NR3C2: variants seen among roughly 807,000 people sequenced by gnomAD.
NR3C2 encodes the protein nuclear receptor subfamily 3 group C member 2.
NR3C2 carries 15 observed loss-of-function variants against 86.4 expected under a neutral mutation model. That is an observed-to-expected ratio of 0.17 (90% CI 0.12 to 0.27). NR3C2 has a LOEUF of 0.27. Ranked by LOEUF, NR3C2 falls within the 10% of genes least tolerant of loss-of-function variation. The pLI is 1.00. For missense variants in NR3C2, 960 were observed against 1,195.6 expected (o/e 0.80, Z 2.91); for synonymous variants, 458 against 450.5 (o/e 1.02, Z -0.21).
intron 4 of NR3C2, among the ~76,000 whole-genome samples, chr4:148,157,627 TAAAAAA>T (rs1408695459): frequency 1.3e-5 from 2 of 150,786 alleles, no homozygotes; most frequent in Admixed American, 6.6e-5. Flanking sequence ...AGAGAACAAT[TAAAAAA>T]AAAGTTAAGA....
At chr4:148,212,980 T>A (rs935046174) in intron 3 of NR3C2, among the ~76,000 whole-genome samples, 2 of 152,146 alleles carry the variant, frequency 1.3e-5, no homozygotes, top group African/African-American at 2.4e-5. Flanking sequence ...TAAAAACTGT[T>A]AAGAGATCAC....
intron 3 of NR3C2, among the ~76,000 whole-genome samples, chr4:148,237,663 CA>C (rs1738812715): frequency 2.5e-5 from 2 of 79,300 alleles, no homozygotes; most frequent in Non-Finnish European, 6.1e-5. Flanking sequence ...TGCCCAAAAA[CA>C]AAATGGGTTT....
At chr4:148,381,284 C>T (rs1301342990) in intron 2 of NR3C2, among the ~76,000 whole-genome samples, 2 of 151,574 alleles carry the variant, frequency 1.3e-5, no homozygotes, top group Non-Finnish European at 2.9e-5. Context: ...CTGGAAAAAG[C>T]AGTTCAATAT....
chr4:148,419,595 T>C (rs897335286), intron 2 of NR3C2, among the ~76,000 whole-genome samples: 1 of 152,226 alleles, frequency 6.6e-6, no homozygotes, highest in South Asian at 2.1e-4. Flanking sequence ...GGGACCAATT[T>C]AATGAGCTTT....
chr4:148,213,537 A>G (rs1417550675), intron 3 of NR3C2, among the ~76,000 whole-genome samples: 1 of 152,220 alleles, frequency 6.6e-6, no homozygotes, highest in African/African-American at 2.4e-5. Flanking sequence ...ATATGAAATT[A>G]AAGCTGAGTA....
chr4:148,176,938 GGAA>G (rs1332196536), intron 4 of NR3C2, among the ~76,000 whole-genome samples: 1 of 152,138 alleles, frequency 6.6e-6, no homozygotes, highest in Admixed American at 6.5e-5. Context: ...GTACGCTGAA[GGAA>G]GAAGAACAAT....
intron 2 of NR3C2, among the ~76,000 whole-genome samples, chr4:148,392,409 T>C (rs1747633979): frequency 6.6e-6 from 1 of 152,252 alleles, no homozygotes; most frequent in South Asian, 2.1e-4. Context: ...AAATATTTGC[T>C]GTAAGCAAGA....
intron 3 of NR3C2, among the ~76,000 whole-genome samples, chr4:148,211,385 A>AT (rs1274758942): frequency 6.6e-6 from 1 of 152,190 alleles, no homozygotes; most frequent in Non-Finnish European, 1.5e-5. Context: ...AAGCTTTAGA[A>AT]TTTTTCATTA....
Position 148,181,562 on chromosome 4 carries a change from G to A in NR3C2, c.2014+13184C>T, listed in dbSNP as rs148498844. Among the ~76,000 whole-genome samples the A allele has an allele frequency of 1.8e-4, 28 of 152,286 alleles. No individual in the cohort carries two copies. In the East Asian group the frequency reaches 5.0e-3, roughly 27 times the overall value. ...TTTTAGGAAAAGCTCTAAAAGGCAT[G>A]TATAGACCACTCCCTTCAGAACACT... On this transcript the variant is annotated intron_variant, in intron 4 of 8. Transcript: ENST00000358102.
intron 4 of NR3C2, among the ~76,000 whole-genome samples, chr4:148,158,169 C>T (rs559346274): frequency 4.3e-4 from 66 of 152,080 alleles, no homozygotes; most frequent in Non-Finnish European, 7.6e-4. Flanking sequence ...AGTGCTGAGC[C>T]GGCACTAGTA....
At chr4:148,167,671 GAAAGAAAGAGCAAATAAACCAATAAGTA>G (rs1734940039) in intron 4 of NR3C2, among the ~76,000 whole-genome samples, 1 of 152,150 alleles carries the variant, frequency 6.6e-6, no homozygotes, top group Admixed American at 6.5e-5. Flanking sequence ...TGAACCAAGG[GAAAGAAAGAGCAAATAAACCAATAAGTA>G]AATGCTTTGC....
chr4:148,318,072 G>A (rs1459506443), intron 2 of NR3C2, among the ~76,000 whole-genome samples: 2 of 135,536 alleles, frequency 1.5e-5, no homozygotes, highest in Non-Finnish European at 3.0e-5. Flanking sequence ...TCCCCTTCCT[G>A]TGTCCATGTG....
At chr4:148,081,640 G>C in intron 8 of NR3C2, 141 bp from the exon 9 acceptor site, 1 of 1,149,536 alleles carries the variant, frequency 8.7e-7, no homozygotes, top group Admixed American at 2.1e-5. Flanking sequence ...ATTGAGCAGA[G>C]TCATCTGTCC....
At chr4:148,103,058 A>G (rs1279233798) in intron 8 of NR3C2, among the ~76,000 whole-genome samples, 1 of 152,066 alleles carries the variant, frequency 6.6e-6, no homozygotes, top group African/African-American at 2.4e-5. Context: ...CAAAATCAGC[A>G]TGCTTCTCCC....
At position 148,398,846 on chromosome 4, in the gene NR3C2, G is replaced by A. The variant is rs150190939; in HGVS notation, c.1757+36258C>T. 1.1e-4 allele frequency among the ~76,000 whole-genome samples: 17 copies of A among 152,286 alleles called. No individual in the cohort carries two copies. The East Asian group carries it at 2.9e-3, about 26-fold the overall frequency. The stretch of plus-strand genomic sequence containing the variant: ...AGTACCCTGGGTAGTGAGATAAAGA[G>A]TAACGATTGTGTACATGTGCATGCG... On this transcript the variant is annotated intron_variant, in intron 2 of 8. Transcript: ENST00000358102.
At chr4:148,183,246 A>C (rs1204783516) in intron 4 of NR3C2, among the ~76,000 whole-genome samples, 1 of 152,198 alleles carries the variant, frequency 6.6e-6, no homozygotes, top group African/African-American at 2.4e-5. Flanking sequence ...GTTGGTTCCA[A>C]GTCTTTGCTA....
At chr4:148,253,365 G>A (rs1348070705) in intron 3 of NR3C2, among the ~76,000 whole-genome samples, 1 of 152,154 alleles carries the variant, frequency 6.6e-6, no homozygotes. Flanking sequence ...AATAATGTCT[G>A]AAGTTCAGCA....
At chr4:148,095,003 A>G (rs1027676534) in intron 8 of NR3C2, among the ~76,000 whole-genome samples, 10 of 152,220 alleles carry the variant, frequency 6.6e-5, no homozygotes, top group African/African-American at 2.2e-4. Flanking sequence ...AGCCAAATTC[A>G]TAGAAACAAA....
intron 3 of NR3C2, among the ~76,000 whole-genome samples, chr4:148,199,026 C>G (rs1034527410): frequency 2.1e-5 from 3 of 141,698 alleles, no homozygotes; most frequent in African/African-American, 8.1e-5. Context: ...GCGGAGCTTG[C>G]AGTGAGCTTG....
Sources: gnomAD v4.1 joint callset for allele counts (sites outside exome capture counted in the v4.1 genomes callset) on GRCh38, gnomAD v4.1.1 for gene constraint, MANE v1.5 for transcripts, NCBI Gene and HGNC (gene_info 2026-07-23, HGNC 2026-07-21) for gene names.